The following CDH12 variants were observed in gnomAD, a reference collection of about 807,000 sequenced individuals.
CDH12 encodes cadherin 12.
Under a neutral mutation model 74.1 loss-of-function variants are expected in CDH12, and 41 were observed. That is an observed-to-expected ratio of 0.55 (90% CI 0.43 to 0.72). The LOEUF (loss-of-function observed/expected upper bound fraction) is 0.72. Among genes scored for constraint, CDH12 ranks in the 30% least tolerant of loss-of-function variants. The pLI, the probability that CDH12 is intolerant of heterozygous loss-of-function variation, is 0.00. For missense variants in CDH12, 945 were observed against 977.2 expected (o/e 0.97, Z 0.44); for synonymous variants, 399 against 355.0 (o/e 1.12, Z -1.39).
chr5:22,561,214 T>C (rs553661745), intron 1 of CDH12, among the ~76,000 whole-genome samples: 3 of 152,088 alleles, frequency 2.0e-5, no homozygotes, highest in Non-Finnish European at 4.4e-5. Flanking sequence ...CATTCAACTT[T>C]CAAATGGCAT....
chr5:22,062,732 T>C (rs563868766), intron 5 of CDH12, among the ~76,000 whole-genome samples: 1 of 152,278 alleles, frequency 6.6e-6, no homozygotes, highest in East Asian at 1.9e-4. Flanking sequence ...AATCAAGCAG[T>C]ATCAAGGTGG....
chr5:22,633,739 G>A (rs1738695355), intron 1 of CDH12, among the ~76,000 whole-genome samples: 1 of 152,098 alleles, frequency 6.6e-6, no homozygotes, highest in African/African-American at 2.4e-5. Flanking sequence ...TCTTCTCTCT[G>A]GTTCTCAGGC....
chr5:22,768,759 C>T (rs1041187760), intron 1 of CDH12, among the ~76,000 whole-genome samples: 3 of 151,960 alleles, frequency 2.0e-5, no homozygotes, highest in Admixed American at 6.6e-5. Flanking sequence ...ATTCTTTGCA[C>T]CTCATTTTAA....
At chr5:22,478,773 C>A (rs1241346240) in intron 2 of CDH12, among the ~76,000 whole-genome samples, 1 of 151,688 alleles carries the variant, frequency 6.6e-6, no homozygotes, top group Non-Finnish European at 1.5e-5. Flanking sequence ...ATAATTAAAC[C>A]CTCTATATCA....
At chr5:22,274,709 C>T (rs1736548350) in intron 3 of CDH12, among the ~76,000 whole-genome samples, 1 of 151,832 alleles carries the variant, frequency 6.6e-6, no homozygotes, top group Admixed American at 6.6e-5. Context: ...GAACTATAAA[C>T]CCAGTGCAGT....
intron 1 of CDH12, among the ~76,000 whole-genome samples, chr5:22,540,885 T>C (rs1580747793): frequency 6.6e-6 from 1 of 152,224 alleles, no homozygotes; most frequent in South Asian, 2.1e-4. Flanking sequence ...TTTATATATA[T>C]AGCAATTATT....
At chr5:22,645,542 A>T (rs1436038018) in intron 1 of CDH12, among the ~76,000 whole-genome samples, 1 of 152,086 alleles carries the variant, frequency 6.6e-6, no homozygotes, top group Non-Finnish European at 1.5e-5. Flanking sequence ...GTGAAATCAC[A>T]ATACAGGAGT....
At chr5:22,829,558 G>A (rs1209763756) in intron 1 of CDH12, among the ~76,000 whole-genome samples, 1 of 152,144 alleles carries the variant, frequency 6.6e-6, no homozygotes, top group Admixed American at 6.6e-5. Flanking sequence ...CTGAGGCTTG[G>A]CTTTAACTGA....
intron 2 of CDH12, among the ~76,000 whole-genome samples, chr5:22,440,565 G>A (rs1236102995): frequency 6.6e-6 from 1 of 152,064 alleles, no homozygotes; most frequent in Non-Finnish European, 1.5e-5. Flanking sequence ...AGTTTCACTG[G>A]AGAAAAACTC....
intron 6 of CDH12, among the ~76,000 whole-genome samples, chr5:21,861,508 A>G (rs1028298474): frequency 6.6e-6 from 1 of 152,156 alleles, no homozygotes; most frequent in East Asian, 1.9e-4. Flanking sequence ...TCTGTGATTA[A>G]ATTTTGTTGT....
At chr5:21,778,805 C>A (rs1476656189) in intron 11 of CDH12, among the ~76,000 whole-genome samples, 1 of 151,820 alleles carries the variant, frequency 6.6e-6, no homozygotes, top group African/African-American at 2.4e-5. Context: ...ACAGGTGATA[C>A]CAAAAAATGC....
chr5:22,092,432 A>G (rs1289394706), intron 4 of CDH12, among the ~76,000 whole-genome samples: 1 of 152,208 alleles, frequency 6.6e-6, no homozygotes, highest in East Asian at 1.9e-4. Flanking sequence ...AGATAATACA[A>G]TCAATAAATG....
chr5:22,794,375 C>T (rs1357035588), intron 1 of CDH12, among the ~76,000 whole-genome samples: 4 of 152,124 alleles, frequency 2.6e-5, no homozygotes, highest in Non-Finnish European at 5.9e-5. Flanking sequence ...TCCATCAGAA[C>T]AAAATAGCCA....
chr5:22,643,731 A>ATTTTT (rs1304148808), intron 1 of CDH12, among the ~76,000 whole-genome samples: 1 of 69,298 alleles, frequency 1.4e-5, no homozygotes, highest in African/African-American at 5.3e-5. Context: ...ATTTTAAGGT[A>ATTTTT]TCTTTTTTTT....
intron 3 of CDH12, among the ~76,000 whole-genome samples, chr5:22,360,362 C>A (rs1161206302): frequency 6.6e-6 from 1 of 151,924 alleles, no homozygotes; most frequent in Non-Finnish European, 1.5e-5. Flanking sequence ...ACACATACAC[C>A]CTCCCAAGAC....
At chr5:22,274,096 A>G (rs1390492611) in intron 3 of CDH12, among the ~76,000 whole-genome samples, 1 of 152,204 alleles carries the variant, frequency 6.6e-6, no homozygotes, top group East Asian at 1.9e-4. Flanking sequence ...TGCACATTAT[A>G]TATATTATTG....
rs775598861 is a variant in CDH12 at position 22,352,745 on chromosome 5, T to G, written c.-333+52512A>C. Among the ~76,000 whole-genome samples, 57 of 152,168 alleles carry G rather than the reference T, an allele frequency of 3.7e-4. 1 individual carries two copies. Among genetic ancestry groups the G allele is most frequent in the Admixed American group, 2.7e-3 (42 of 15,282 alleles). ...AGCTCTCTTTGAAATAGTTAAGTGA[T>G]CTGCAGAACAATGCGAAACCCTCTG... On this transcript the variant is annotated intron_variant, in intron 3 of 14. Transcript: ENST00000382254.
At chr5:22,676,542 G>C (rs1401064748) in intron 1 of CDH12, among the ~76,000 whole-genome samples, 1 of 152,122 alleles carries the variant, frequency 6.6e-6, no homozygotes, top group Non-Finnish European at 1.5e-5. Flanking sequence ...TATTGAATGA[G>C]GATTCTGGTC....
chr5:22,008,125 T>C (rs944747582), intron 5 of CDH12, among the ~76,000 whole-genome samples: 1 of 152,212 alleles, frequency 6.6e-6, no homozygotes, highest in South Asian at 2.1e-4. Flanking sequence ...GCACTCACCA[T>C]ATATTTGTTG....
Sources: gnomAD v4.1 joint callset for allele counts (sites outside exome capture counted in the v4.1 genomes callset) on GRCh38, gnomAD v4.1.1 for gene constraint, MANE v1.5 for transcripts, NCBI Gene and HGNC (gene_info 2026-07-23, HGNC 2026-07-21) for gene names.